Variants in QTMAN observed in about 807,000 individuals in gnomAD.
QTMAN encodes tRNA-queuosine alpha-mannosyltransferase.
chr2:144,206,116 A>G, the QTMAN span, among the ~76,000 whole-genome samples: 2 of 152,246 alleles, frequency 1.3e-5, no homozygotes, highest in Admixed American at 1.3e-4. Flanking sequence ...AGCTTATAAT[A>G]GCAACAATAC....
the QTMAN span, chr2:144,294,546 T>A: frequency 6.6e-6 from 1 of 152,174 alleles, no homozygotes; most frequent in East Asian, 1.9e-4. Flanking sequence ...CATAGGTTGA[T>A]AATTATTGAA....
At chr2:144,208,892 A>C in the QTMAN span, 2 of 690,380 alleles carry the variant, frequency 2.9e-6, no homozygotes, top group Non-Finnish European at 4.5e-6. Flanking sequence ...TCATACTCAG[A>C]AAATACAAAT....
the QTMAN span, among the ~76,000 whole-genome samples, chr2:144,285,540 G>C: frequency 6.6e-6 from 1 of 152,138 alleles, no homozygotes; most frequent in African/African-American, 2.4e-5. Context: ...GCAGAACTGT[G>C]ACTTGAACTC....
chr2:143,960,060 C>T, the QTMAN span, among the ~76,000 whole-genome samples: 1 of 152,040 alleles, frequency 6.6e-6, no homozygotes, highest in Non-Finnish European at 1.5e-5. Flanking sequence ...AATATGTCTA[C>T]ATTAATAGGT....
chr2:144,167,883 T>C, the QTMAN span, among the ~76,000 whole-genome samples: 2 of 152,204 alleles, frequency 1.3e-5, no homozygotes, highest in African/African-American at 4.8e-5. Flanking sequence ...TGCAAATTTT[T>C]ACTATAGCAA....
the QTMAN span, among the ~76,000 whole-genome samples, chr2:144,275,332 C>G: frequency 6.7e-6 from 1 of 150,126 alleles, no homozygotes; most frequent in East Asian, 2.0e-4. Context: ...TGCAGTAAGC[C>G]GAGATTGCAC....
the QTMAN span, among the ~76,000 whole-genome samples, chr2:144,096,881 T>C: frequency 6.6e-6 from 1 of 152,204 alleles, no homozygotes; most frequent in Non-Finnish European, 1.5e-5. Flanking sequence ...ACTGACTGAG[T>C]TGGACTTATT....
the QTMAN span, among the ~76,000 whole-genome samples, chr2:144,265,123 T>G: frequency 2.6e-5 from 4 of 152,130 alleles, no homozygotes; most frequent in South Asian, 2.1e-4. Context: ...TATATAGATA[T>G]CCATGTATCA....
chr2:144,053,303 C>G, the QTMAN span, among the ~76,000 whole-genome samples: 1 of 152,104 alleles, frequency 6.6e-6, no homozygotes, highest in Admixed American at 6.5e-5. Context: ...CTTTGAAAGT[C>G]ACTGTGCCAG....
At chr2:144,261,299 T>G in the QTMAN span, among the ~76,000 whole-genome samples, 1 of 152,158 alleles carries the variant, frequency 6.6e-6, no homozygotes, top group African/African-American at 2.4e-5. Flanking sequence ...AACCACCAGA[T>G]TAAATTATTT....
the QTMAN span, among the ~76,000 whole-genome samples, chr2:144,037,817 T>C: frequency 6.6e-6 from 1 of 152,164 alleles, no homozygotes; most frequent in South Asian, 2.1e-4. Context: ...AAAATGGATA[T>C]AAAAAGCTCC....
the QTMAN span, among the ~76,000 whole-genome samples, chr2:144,210,581 A>T: frequency 6.6e-6 from 1 of 152,268 alleles, no homozygotes; most frequent in South Asian, 2.1e-4. Context: ...TTTTGTGAGT[A>T]AGAGGTAAGT....
At chr2:143,999,017 C>T in the QTMAN span, among the ~76,000 whole-genome samples, 1 of 151,794 alleles carries the variant, frequency 6.6e-6, no homozygotes. Flanking sequence ...CCCTATAATT[C>T]ATTAACATTA....
At chr2:144,036,745 A>C in the QTMAN span, among the ~76,000 whole-genome samples, 1 of 152,162 alleles carries the variant, frequency 6.6e-6, no homozygotes, top group Non-Finnish European at 1.5e-5. Context: ...TTGGCATTGG[A>C]TTCATTCCTG....
the QTMAN span, among the ~76,000 whole-genome samples, chr2:144,053,797 G>A: frequency 1.3e-5 from 2 of 152,186 alleles, no homozygotes; most frequent in Admixed American, 6.5e-5. Flanking sequence ...GCATATTCAG[G>A]AGCCTTAAGT....
the QTMAN span, among the ~76,000 whole-genome samples, chr2:144,266,456 T>C: frequency 0.017 from 2,586 of 152,328 alleles, 107 homozygotes; most frequent in East Asian, 0.16. Flanking sequence ...AAATTTTCTT[T>C]ACCTATAGAT....
chr2:144,298,178 C>T, the QTMAN span, among the ~76,000 whole-genome samples: 1 of 151,670 alleles, frequency 6.6e-6, no homozygotes, highest in Non-Finnish European at 1.5e-5. Flanking sequence ...GCCACCACAC[C>T]CAGCTAATTT....
chr2:143,973,394 TA>T, the QTMAN span, among the ~76,000 whole-genome samples: 1 of 152,202 alleles, frequency 6.6e-6, no homozygotes. Context: ...ATGTCTAAAT[TA>T]GTAAATTACA....
At chr2:144,051,332 A>G in the QTMAN span, among the ~76,000 whole-genome samples, 1 of 151,972 alleles carries the variant, frequency 6.6e-6, no homozygotes, top group African/African-American at 2.4e-5. Flanking sequence ...AGAGTTTGAG[A>G]CCAACCTGGT....
Sources: allele counts gnomAD v4.1 joint callset (sites outside exome capture counted in the v4.1 genomes callset), GRCh38; gene constraint gnomAD v4.1.1; transcripts MANE v1.5; gene names NCBI Gene and HGNC (gene_info 2026-07-23, HGNC 2026-07-21).